EML6: variants seen among roughly 807,000 people sequenced by gnomAD.
The protein encoded by EML6 is EMAP like 6.
Under a neutral mutation model 240.1 loss-of-function variants are expected in EML6, and 154 were observed. The ratio of observed to expected loss-of-function variants is 0.64; its 90% CI spans 0.56 to 0.73. EML6 has a LOEUF of 0.73. Ranked by LOEUF, EML6 falls within the 30% of genes least tolerant of loss-of-function variation. The pLI, the probability that EML6 is intolerant of heterozygous loss-of-function variation, is 0.00. For synonymous variants in EML6, 1,148 were observed against 899.0 expected, an observed-to-expected ratio of 1.28 and a Z score of -4.95; for missense variants, 2,964 against 2,474.6, an observed-to-expected ratio of 1.20 and a Z score of -4.20.
intron 2 of EML6, among the ~76,000 whole-genome samples, chr2:54,726,381 C>T (rs1379402960): frequency 6.6e-6 from 1 of 152,136 alleles, no homozygotes; most frequent in East Asian, 1.9e-4. Flanking sequence ...TTTCTCAGTG[C>T]AGAGAATGAT....
rs551648301 is a variant in EML6, at chr2:54,748,099, TA to T, written c.197+22842del. 1.9e-3 allele frequency among the ~76,000 whole-genome samples: 291 copies of T among 152,280 alleles called. 1 individual carries two copies. The highest frequency in any genetic ancestry group is 2.9e-3 in the Non-Finnish European group (197 of 68,038). On this transcript the variant is annotated intron_variant, in intron 2 of 41. Transcript: ENST00000356458. ...AAAAATTATAATGGGTAAAATTGTT[TA>T]TTAATTCTGGCAAGACACCAAAAAG...
chr2:54,754,584 A>C (rs940755249), intron 2 of EML6, among the ~76,000 whole-genome samples: 2 of 152,160 alleles, frequency 1.3e-5, no homozygotes. Context: ...ACTGGATATG[A>C]GTACTTTGTC....
rs1252839061 is a variant in EML6 at position 54,853,658 on chromosome 2, C to T, written c.1460C>T (p.Thr487Ile). 2 of 1,542,192 alleles carry T rather than the reference C, an allele frequency of 1.3e-6. No individual in the cohort carries two copies. Among genetic ancestry groups the T allele is most frequent in the Admixed American group, 2.0e-5 (1 of 50,324 alleles). Reference sequence around the variant, plus strand: ...TTATTTTCAGCTGGGAAGCCTTTAACAAGTAAAGAAGAAATTAAAGGGATT... The same window carrying T: ...TTATTTTCAGCTGGGAAGCCTTTAATAAGTAAAGAAGAAATTAAAGGGATT... Reference protein sequence around the residue: ...FYRMPSGKPLTSKEEIKGIPW... With the variant: ...FYRMPSGKPLISKEEIKGIPW... Residue 487 changes from threonine to isoleucine, a missense_variant, in exon 11 of 42, where the codon ACA becomes ATA. Thr to Ile is a moderately conservative substitution (Grantham distance 89). Coordinates refer to ENST00000356458, the MANE Select transcript of EML6 (RefSeq NM_001039753.4).
chr2:54,869,446 A>G, intron 15 of EML6, 79 bp downstream of exon 15: 1 of 1,090,184 alleles, frequency 9.2e-7, no homozygotes, highest in African/African-American at 1.6e-5. Flanking sequence ...TAGAAATTCA[A>G]GAAATGCTTG....
At chr2:54,732,121 A>G (rs1045646043) in intron 2 of EML6, among the ~76,000 whole-genome samples, 6 of 152,178 alleles carry the variant, frequency 3.9e-5, no homozygotes, top group Non-Finnish European at 8.8e-5. Context: ...ATAAATGTCT[A>G]TTCAAATCTA....
At position 54,725,167 on chromosome 2, in the gene EML6, G is replaced by A; in HGVS notation, c.106G>A (p.Val36Met). 1.3e-6 allele frequency: 2 copies of A among 1,533,712 alleles called. No homozygotes were observed. Among genetic ancestry groups the A allele is most frequent in the Non-Finnish European group, 1.8e-6 (2 of 1,138,194 alleles). Residue 36 changes from valine (V) to methionine (M), a missense_variant, in exon 2 of 42, where the codon GTG becomes ATG. Coordinates refer to ENST00000356458, the MANE Select transcript of EML6 (RefSeq NM_001039753.4). The surrounding 1 kb of genome is among the most constrained non-coding windows in gnomAD (Gnocchi z 4.3). Reference sequence around the variant, plus strand: ...CCTGTACTACACGGCAGGCAAGGAGGTGGTCTACTTTGTGGCTGGGGTCGG... The same window carrying A: ...CCTGTACTACACGGCAGGCAAGGAGATGGTCTACTTTGTGGCTGGGGTCGG... ...NNLYYTAGKE[V>M]VYFVAGVGVV...
chr2:54,887,426 G>T (rs1558651779), intron 17 of EML6, among the ~76,000 whole-genome samples: 1 of 152,114 alleles, frequency 6.6e-6, no homozygotes, highest in African/African-American at 2.4e-5. Context: ...GGTTATTTGA[G>T]TTTTGTCTAT....
chr2:54,778,874 A>G (rs1668717591), intron 2 of EML6, among the ~76,000 whole-genome samples: 1 of 137,276 alleles, frequency 7.3e-6, no homozygotes, highest in South Asian at 2.4e-4. Flanking sequence ...CCTGGGTGAC[A>G]GAGCAAGACT....
At chr2:54,788,522 C>A (rs1669214139) in intron 2 of EML6, among the ~76,000 whole-genome samples, 1 of 152,136 alleles carries the variant, frequency 6.6e-6, no homozygotes, top group Admixed American at 6.5e-5. Context: ...CTGGGGCCGC[C>A]CCCCGCCCCA....
rs990044216 is a variant in EML6 at position 54,814,453 on chromosome 2, C to G, written c.357+1062C>G. 2.0e-4 allele frequency among the ~76,000 whole-genome samples: 30 copies of G among 152,194 alleles called. 1 individual carries two copies. Among genetic ancestry groups the G allele is most frequent in the Non-Finnish European group, 1.5e-5 (1 of 68,042 alleles). ...GTAAAAACGGAGGGGTCATTCCTGG[C>G]TCCGGCTGCATTCATCTCCTCCCTA... On this transcript the variant is annotated intron_variant, in intron 3 of 41. Coordinates refer to ENST00000356458, the MANE Select transcript of EML6 (RefSeq NM_001039753.4).
At chr2:54,907,930 AGATAGAT>A (rs1253157632) in intron 24 of EML6, among the ~76,000 whole-genome samples, 4 of 63,276 alleles carry the variant, frequency 6.3e-5, no homozygotes, top group Admixed American at 1.4e-4. Context: ...ATAGATAGAT[AGATAGAT>A]AGATAGATAA....
chr2:54,807,673 A>G lies in EML6; in HGVS notation c.198-5559A>G, dbSNP rs185306206. On this transcript the variant is annotated intron_variant, in intron 2 of 41. Transcript: ENST00000356458. Reference sequence around the variant, plus strand: ...TAGCAATAAATAACCTCACAACTATAGACAACAGTGAAATGTAGTAAAATA... The same window carrying G: ...TAGCAATAAATAACCTCACAACTATGGACAACAGTGAAATGTAGTAAAATA... 2.6e-3 allele frequency among the ~76,000 whole-genome samples: 402 copies of G among 152,358 alleles called. 4 individuals are homozygous for G. Among genetic ancestry groups the G allele is most frequent in the Non-Finnish European group, 3.3e-3 (226 of 68,028 alleles).
intron 2 of EML6, among the ~76,000 whole-genome samples, chr2:54,731,736 C>T (rs572146920): frequency 6.6e-6 from 1 of 152,268 alleles, no homozygotes; most frequent in South Asian, 2.1e-4. Flanking sequence ...GTATCAGTCC[C>T]ACCAACCCCA....
In EML6 at chr2:54,827,626, G is replaced by A. The variant is rs1381913233; in HGVS notation, c.586G>A (p.Asp196Asn). 4.5e-6 allele frequency: 7 copies of A among 1,551,570 alleles called. No homozygotes were observed. The highest frequency in any genetic ancestry group is 5.2e-6 in the Non-Finnish European group (6 of 1,146,982). The change falls in exon 6 of 42, where the codon GAT (aspartate) becomes AAT (asparagine). Residue 196 changes from aspartate (D) to asparagine (N), a missense_variant. Physicochemically the swap from Asp to Asn is conservative, Grantham distance 23. Coordinates refer to ENST00000356458, the MANE Select transcript of EML6 (RefSeq NM_001039753.4). The stretch of plus-strand genomic sequence containing the variant: ...AAGAGGGATATTTGGCAAAACAGGG[G>A]ATCTTCAGACCATCCTTTGCCTTGC... Reference protein sequence around the residue: ...AKRGIFGKTGDLQTILCLACA... With the variant: ...AKRGIFGKTGNLQTILCLACA...
chr2:54,851,129 C>T (rs1435142241), intron 10 of EML6, among the ~76,000 whole-genome samples: 2 of 152,160 alleles, frequency 1.3e-5, no homozygotes, highest in Non-Finnish European at 2.9e-5. Flanking sequence ...CCCAATGAGG[C>T]CAGGCATGGT....
chr2:54,941,494 T>G (rs531223755), intron 28 of EML6, among the ~76,000 whole-genome samples: 2 of 152,334 alleles, frequency 1.3e-5, no homozygotes, highest in African/African-American at 4.8e-5. Flanking sequence ...AGCTGTTTTG[T>G]GGGCCTGTAT....
At chr2:54,859,924 C>A (rs1036725210) in intron 12 of EML6, among the ~76,000 whole-genome samples, 1 of 152,146 alleles carries the variant, frequency 6.6e-6, no homozygotes, top group Admixed American at 6.5e-5. Context: ...TTGAGCAGGA[C>A]GTCAGCAACG....
intron 2 of EML6, among the ~76,000 whole-genome samples, chr2:54,793,636 A>C (rs1669591310): frequency 6.6e-6 from 1 of 152,130 alleles, no homozygotes; most frequent in African/African-American, 2.4e-5. Flanking sequence ...CTTCCTTAGC[A>C]ACAGTACCCC....
At chr2:54,921,324 CTG>C (rs1460201502) in intron 26 of EML6, among the ~76,000 whole-genome samples, 2 of 152,008 alleles carry the variant, frequency 1.3e-5, no homozygotes, top group African/African-American at 4.8e-5. Context: ...TCTACAAAAA[CTG>C]TATCATCAAG....
Sources: gnomAD v4.1 joint callset for allele counts (sites outside exome capture counted in the v4.1 genomes callset) on GRCh38, gnomAD v4.1.1 for gene constraint, Gnocchi (gnomAD v3.1) non-coding constraint, MANE v1.5 for transcripts, NCBI Gene and HGNC (gene_info 2026-07-23, HGNC 2026-07-21) for gene names.